The following UBTD1 variants were observed in gnomAD, a reference collection of about 807,000 sequenced individuals.
UBTD1 encodes the protein ubiquitin domain containing 1.
UBTD1 carries 19 observed loss-of-function variants against 21.7 expected under a neutral mutation model. That is an observed-to-expected ratio of 0.87 (90% CI 0.61 to 1.28). The LOEUF (loss-of-function observed/expected upper bound fraction) is 1.28, where lower values mean the gene tolerates loss of function less well. Among genes scored for constraint, UBTD1 ranks in the 50% most tolerant of loss-of-function variants. The pLI is 0.00. For missense variants in UBTD1, 282 were observed against 315.1 expected (o/e 0.89, Z 0.80); for synonymous variants, 116 against 135.1 (o/e 0.86, Z 0.98).
chr10:97,552,243 A>G (rs573142732), intron 1 of UBTD1, among the ~76,000 whole-genome samples: 1 of 152,100 alleles, frequency 6.6e-6, no homozygotes, highest in East Asian at 1.9e-4. Context: ...TCATGGTGGT[A>G]CATGCCTATA....
chr10:97,507,774 CAAAAAA>C (rs61128714), intron 1 of UBTD1, among the ~76,000 whole-genome samples: 1 of 59,542 alleles, frequency 1.7e-5, no homozygotes, highest in Non-Finnish European at 3.2e-5. Context: ...GACTCCGTCT[CAAAAAA>C]AAAAAAAAAA....
intron 1 of UBTD1, among the ~76,000 whole-genome samples, chr10:97,517,042 CA>C (rs1192511812): frequency 1.3e-5 from 2 of 152,070 alleles, no homozygotes; most frequent in East Asian, 1.9e-4. Context: ...CCAAGGATGA[CA>C]GGGGTAGCTG....
At chr10:97,528,783 C>A (rs1411028905) in intron 1 of UBTD1, among the ~76,000 whole-genome samples, 3 of 140,784 alleles carry the variant, frequency 2.1e-5, no homozygotes, top group African/African-American at 7.8e-5. Flanking sequence ...GACTCCCCCA[C>A]CTCCCTCCCG....
rs903965023 is a variant in UBTD1, at chr10:97,547,525, C to T, written c.71-20389C>T. ...TTAACCCCTGCGTTCTGCTGCACCG[C>T]GAAATAAAGACCAAGACATCCCTAT... is the stretch of plus-strand genomic sequence containing the variant. On this transcript the variant is annotated intron_variant, in intron 1 of 2. Coordinates refer to ENST00000370664, the MANE Select transcript of UBTD1 (RefSeq NM_024954.5). 3.3e-5 allele frequency among the ~76,000 whole-genome samples: 5 copies of T among 152,260 alleles called. No individual in the cohort carries two copies. In the East Asian group the frequency reaches 9.6e-4, roughly 29 times the overall value.
At chr10:97,557,970 C>T (rs1247271707) in intron 1 of UBTD1, among the ~76,000 whole-genome samples, 1 of 152,130 alleles carries the variant, frequency 6.6e-6, no homozygotes, top group Non-Finnish European at 1.5e-5. Context: ...CAGTTGAAGT[C>T]CTTACTGTAC....
chr10:97,526,395 A>G (rs144628156), intron 1 of UBTD1, among the ~76,000 whole-genome samples: 46 of 152,362 alleles, frequency 3.0e-4, no homozygotes, highest in Middle Eastern at 3.4e-3. Context: ...TGAAAAATGG[A>G]AAGTCTAAAT....
chr10:97,536,849 G>T (rs2040564130), intron 1 of UBTD1, among the ~76,000 whole-genome samples: 1 of 151,978 alleles, frequency 6.6e-6, no homozygotes, highest in African/African-American at 2.4e-5. Context: ...CTTGTCCAGT[G>T]GTGGAGTCAT....
rs2040738915 is a variant in UBTD1 at position 97,570,226 on chromosome 10, G to A, written c.387G>A (p.Glu129=). ...CLSPPVNLLL[E]HTEEESLEPP... ...CACCGCCGGTGAACCTGCTGCTGGAGCACACGGAGGAGGAGAGCCTGGAGC... is the reference window on the plus strand; with the variant it reads ...CACCGCCGGTGAACCTGCTGCTGGAACACACGGAGGAGGAGAGCCTGGAGC... Residue 129 remains glutamate (E), a synonymous_variant, in exon 3 of 3, where the codon GAG becomes GAA. Coordinates refer to ENST00000370664, the MANE Select transcript of UBTD1 (RefSeq NM_024954.5). The surrounding 1 kb of genome is among the most constrained non-coding windows in gnomAD (Gnocchi z 6.6). 1.2e-6 allele frequency: 2 copies of A among 1,613,308 alleles called. No individual in the cohort carries two copies. Among genetic ancestry groups the A allele is most frequent in the South Asian group, 1.1e-5 (1 of 91,086 alleles).
At chr10:97,557,352 T>C (rs557678927) in intron 1 of UBTD1, among the ~76,000 whole-genome samples, 1 of 152,182 alleles carries the variant, frequency 6.6e-6, no homozygotes, top group African/African-American at 2.4e-5. Context: ...TTGCATGTTT[T>C]TTTTTTAATT....
intron 1 of UBTD1, among the ~76,000 whole-genome samples, chr10:97,561,276 G>A (rs1047094050): frequency 2.0e-5 from 3 of 152,144 alleles, no homozygotes; most frequent in East Asian, 3.8e-4. Flanking sequence ...CTGAGGGGCT[G>A]CCTCAGCCGT....
intron 1 of UBTD1, among the ~76,000 whole-genome samples, chr10:97,519,582 A>C (rs2040458547): frequency 6.6e-6 from 1 of 152,220 alleles, no homozygotes; most frequent in African/African-American, 2.4e-5. Context: ...GGGAGAATGA[A>C]TCACAGTCTC....
At chr10:97,562,073 C>G (rs376131353) in intron 1 of UBTD1, among the ~76,000 whole-genome samples, 21 of 152,186 alleles carry the variant, frequency 1.4e-4, no homozygotes, top group African/African-American at 3.9e-4. Flanking sequence ...ACTCTCCTCC[C>G]TTCGGACTGT....
At chr10:97,514,235 T>C (rs1348566014) in intron 1 of UBTD1, among the ~76,000 whole-genome samples, 2 of 152,076 alleles carry the variant, frequency 1.3e-5, no homozygotes, top group Non-Finnish European at 2.9e-5. Flanking sequence ...CACCCCAGAC[T>C]TGGGACTCTT....
rs144366808 is a variant in UBTD1, at chr10:97,514,238, G to T, written c.70+14965G>T. Among the ~76,000 whole-genome samples, 324 of 152,048 alleles carry T rather than the reference G, an allele frequency of 2.1e-3. 1 individual carries two copies. Among genetic ancestry groups the T allele is most frequent in the Non-Finnish European group, 2.6e-3 (174 of 67,984 alleles). On this transcript the variant is annotated intron_variant, in intron 1 of 2. Transcript: ENST00000370664. ...CACTGGCTTTACCACCCCAGACTTG[G>T]GACTCTTTCATTACCCACTGCATGA... is the stretch of plus-strand genomic sequence containing the variant.
intron 1 of UBTD1, among the ~76,000 whole-genome samples, chr10:97,516,029 A>G (rs1292985049): frequency 6.6e-6 from 1 of 152,238 alleles, no homozygotes; most frequent in Non-Finnish European, 1.5e-5. Context: ...TAAGGAGACA[A>G]TGAAAGAAGT....
At chr10:97,569,082 C>T (rs940191707) in intron 2 of UBTD1, among the ~76,000 whole-genome samples, 1 of 152,168 alleles carries the variant, frequency 6.6e-6, no homozygotes, top group Non-Finnish European at 1.5e-5. Context: ...CTTGGCCTCC[C>T]GAAGTGCTGG....
At chr10:97,534,003 C>T (rs987212883) in intron 1 of UBTD1, among the ~76,000 whole-genome samples, 1 of 152,206 alleles carries the variant, frequency 6.6e-6, no homozygotes, top group Admixed American at 6.5e-5. Flanking sequence ...AGCCCATCTG[C>T]CCTAGGCCAG....
chr10:97,505,641 G>A (rs552930111), intron 1 of UBTD1, among the ~76,000 whole-genome samples: 2 of 152,324 alleles, frequency 1.3e-5, no homozygotes, highest in African/African-American at 4.8e-5. Context: ...GAAGCCTGGG[G>A]TCTCTGCTCC....
intron 1 of UBTD1, among the ~76,000 whole-genome samples, chr10:97,502,047 T>C (rs970776310): frequency 6.6e-6 from 1 of 152,212 alleles, no homozygotes; most frequent in Admixed American, 6.5e-5. Context: ...TGTCTTATCC[T>C]TGTAGTATAT....
Sources: allele counts gnomAD v4.1 joint callset (sites outside exome capture counted in the v4.1 genomes callset), GRCh38; gene constraint gnomAD v4.1.1; non-coding constraint Gnocchi (gnomAD v3.1); transcripts MANE v1.5; gene names NCBI Gene and HGNC (gene_info 2026-07-23, HGNC 2026-07-21).